PRELID2: variants seen among roughly 807,000 people sequenced by gnomAD.
PRELID2 encodes the protein PRELI domain containing 2, also known as PRELI domain-containing protein 2.
Under a neutral mutation model 28.4 loss-of-function variants are expected in PRELID2, and 25 were observed. The ratio of observed to expected loss-of-function variants is 0.88; its 90% CI spans 0.64 to 1.23. The LOEUF is 1.23. Among genes scored for constraint, PRELID2 ranks in the 50% most tolerant of loss-of-function variants. The pLI, the probability that PRELID2 is intolerant of heterozygous loss-of-function variation, is 0.00. For missense variants in PRELID2, 201 were observed against 214.4 expected (o/e 0.94, Z 0.39); for synonymous variants, 76 against 71.6 (o/e 1.06, Z -0.31).
chr5:145,351,762 GT>G, the PRELID2 span, among the ~76,000 whole-genome samples: 7 of 152,174 alleles, frequency 4.6e-5, no homozygotes, highest in African/African-American at 1.7e-4. Flanking sequence ...TTGAAAGCAA[GT>G]TAGTTACTTC....
chr5:145,655,507 A>T (rs373757473), intron 1 of PRELID2, among the ~76,000 whole-genome samples: 1 of 152,222 alleles, frequency 6.6e-6, no homozygotes, highest in Admixed American at 6.5e-5. Context: ...CTATACTACA[A>T]GGCTACAGTA....
At chr5:145,714,026 A>T (rs1321644707) in intron 1 of PRELID2, among the ~76,000 whole-genome samples, 2 of 152,054 alleles carry the variant, frequency 1.3e-5, no homozygotes, top group Non-Finnish European at 2.9e-5. Flanking sequence ...AGAACTGGCT[A>T]ACTCTAGAGC....
At chr5:145,698,358 A>G (rs1055142073) in intron 1 of PRELID2, among the ~76,000 whole-genome samples, 1 of 152,224 alleles carries the variant, frequency 6.6e-6, no homozygotes, top group African/African-American at 2.4e-5. Flanking sequence ...CTTGGAGCTT[A>G]TAGTCTACAG....
the PRELID2 span, among the ~76,000 whole-genome samples, chr5:145,433,887 T>C: frequency 6.6e-6 from 1 of 152,188 alleles, no homozygotes; most frequent in African/African-American, 2.4e-5. Flanking sequence ...TGTGCAACCA[T>C]TTCCCTATGT....
chr5:145,603,220 A>G (rs1753424188), intron 1 of PRELID2, among the ~76,000 whole-genome samples: 1 of 152,120 alleles, frequency 6.6e-6, no homozygotes, highest in Non-Finnish European at 1.5e-5. Context: ...ATACATCATA[A>G]CATATTCAAG....
chr5:145,588,532 G>A (rs1753184302), intron 1 of PRELID2, among the ~76,000 whole-genome samples: 1 of 152,074 alleles, frequency 6.6e-6, no homozygotes. Context: ...ACATCTATAT[G>A]TAGAAGACTA....
intron 1 of PRELID2, among the ~76,000 whole-genome samples, chr5:145,710,463 T>G (rs1412363896): frequency 6.6e-6 from 1 of 152,218 alleles, no homozygotes; most frequent in African/African-American, 2.4e-5. Flanking sequence ...TAAAAGATTC[T>G]TCTAGCTCTA....
At chr5:145,604,805 T>C (rs1189132196) in intron 1 of PRELID2, among the ~76,000 whole-genome samples, 1 of 142,594 alleles carries the variant, frequency 7.0e-6, no homozygotes, top group Non-Finnish European at 1.5e-5. Context: ...TGGTGTGAGA[T>C]GGTATCTCAT....
chr5:145,523,584 C>T (rs948857376), intron 1 of PRELID2, among the ~76,000 whole-genome samples: 2 of 152,116 alleles, frequency 1.3e-5, no homozygotes, highest in African/African-American at 4.8e-5. Context: ...TGGCCACCAT[C>T]TCTCTGTGGC....
chr5:145,405,594 G>A, the PRELID2 span, among the ~76,000 whole-genome samples: 1 of 151,934 alleles, frequency 6.6e-6, no homozygotes, highest in South Asian at 2.1e-4. Flanking sequence ...TAGCTTCTGG[G>A]GAGGCCTCAG....
At chr5:145,772,901 C>G (rs1356125827) in intron 5 of PRELID2, among the ~76,000 whole-genome samples, 2 of 152,114 alleles carry the variant, frequency 1.3e-5, no homozygotes, top group Non-Finnish European at 2.9e-5. Flanking sequence ...GTTTTAAAGA[C>G]AATGTTTTTT....
chr5:145,569,314 A>G (rs935375546), intron 1 of PRELID2, among the ~76,000 whole-genome samples: 7 of 152,246 alleles, frequency 4.6e-5, no homozygotes, highest in African/African-American at 1.7e-4. Context: ...TCTACAGAAT[A>G]TATTCTAAAC....
At chr5:145,358,693 A>G in the PRELID2 span, among the ~76,000 whole-genome samples, 1 of 152,310 alleles carries the variant, frequency 6.6e-6, no homozygotes, top group South Asian at 2.1e-4. Context: ...ATAAAATCCA[A>G]TGAAAGGGAA....
intron 1 of PRELID2, among the ~76,000 whole-genome samples, chr5:145,570,310 G>A (rs1701054597): frequency 6.6e-6 from 1 of 152,058 alleles, no homozygotes; most frequent in Non-Finnish European, 1.5e-5. Context: ...TCACATCAGA[G>A]GTTTTCCACT....
chr5:145,601,932 G>A (rs1488975218), intron 1 of PRELID2, among the ~76,000 whole-genome samples: 2 of 152,192 alleles, frequency 1.3e-5, no homozygotes, highest in African/African-American at 4.8e-5. Flanking sequence ...ACTTTGGGAA[G>A]TAGTGCAGAG....
the PRELID2 span, among the ~76,000 whole-genome samples, chr5:145,435,941 T>C: frequency 3.9e-5 from 6 of 152,244 alleles, no homozygotes; most frequent in Non-Finnish European, 5.9e-5. Flanking sequence ...TTTTTAAAAT[T>C]TTTGTTTTTA....
At chr5:145,275,477 A>G in the PRELID2 span, among the ~76,000 whole-genome samples, 3 of 152,044 alleles carry the variant, frequency 2.0e-5, no homozygotes, top group Non-Finnish European at 4.4e-5. Flanking sequence ...GACACGAGTG[A>G]CCCAAGGATG....
chr5:145,678,194 A>T (rs775427460), intron 1 of PRELID2, among the ~76,000 whole-genome samples: 20 of 152,340 alleles, frequency 1.3e-4, no homozygotes, highest in Non-Finnish European at 2.2e-4. Flanking sequence ...TTGTTCAAAT[A>T]CACAAGATAA....
chr5:145,677,152 G>GTTTTTTTT (rs756255750), intron 1 of PRELID2, among the ~76,000 whole-genome samples: 2 of 124,044 alleles, frequency 1.6e-5, no homozygotes, highest in African/African-American at 3.1e-5. Context: ...TTTGGTTTTG[G>GTTTTTTTT]TTTTTTTTTT....
Sources: gnomAD v4.1 joint callset for allele counts (sites outside exome capture counted in the v4.1 genomes callset) on GRCh38, gnomAD v4.1.1 for gene constraint, MANE v1.5 for transcripts, NCBI Gene and HGNC (gene_info 2026-07-23, HGNC 2026-07-21) for gene names.